Variants in NLGN1 observed in about 807,000 individuals in gnomAD.
NLGN1 encodes the protein neuroligin-1.
In NLGN1, 12 loss-of-function variants were observed where a neutral mutation model predicts 65.5. That is an observed-to-expected ratio of 0.18 (90% confidence interval 0.12 to 0.30). The LOEUF is 0.30. Ranked by LOEUF, NLGN1 falls within the 10% of genes least tolerant of loss-of-function variation. The probability of loss-of-function intolerance (pLI) is 1.00; values close to 1 mark genes in which losing one functional copy is unlikely to be tolerated. For missense variants in NLGN1, 750 were observed against 1,007.1 expected, an observed-to-expected ratio of 0.74 and a Z score of 3.46; for synonymous variants, 350 against 359.5, an observed-to-expected ratio of 0.97 and a Z score of 0.30.
chr3:173,950,957 C>T (rs1579371365), intron 4 of NLGN1, among the ~76,000 whole-genome samples: 1 of 151,800 alleles, frequency 6.6e-6, no homozygotes, highest in South Asian at 2.1e-4. Context: ...ACCTCCGTCT[C>T]CCGGGTTCAA....
chr3:173,985,653 A>T (rs550197083), intron 4 of NLGN1, among the ~76,000 whole-genome samples: 182 of 152,284 alleles, frequency 1.2e-3, no homozygotes, highest in Non-Finnish European at 2.2e-3. Context: ...AAGTATTTTT[A>T]AAAAAGAAAC....
At chr3:174,056,010 C>T (rs1202349871) in intron 4 of NLGN1, among the ~76,000 whole-genome samples, 2 of 151,766 alleles carry the variant, frequency 1.3e-5, no homozygotes, top group Non-Finnish European at 2.9e-5. Context: ...AGATTATATG[C>T]TAAGTATTGT....
At chr3:173,404,817 T>C (rs1051091168) in intron 1 of NLGN1, among the ~76,000 whole-genome samples, 3 of 152,122 alleles carry the variant, frequency 2.0e-5, no homozygotes, top group Admixed American at 6.6e-5. Context: ...AAATGTTTAA[T>C]TATATTTAAT....
At chr3:174,240,208 T>C (rs1742526637) in intron 4 of NLGN1, among the ~76,000 whole-genome samples, 1 of 152,124 alleles carries the variant, frequency 6.6e-6, no homozygotes, top group African/African-American at 2.4e-5. Flanking sequence ...GAAAACTGAT[T>C]CATTGCATGC....
chr3:173,412,254 T>C (rs1397850866), intron 1 of NLGN1, among the ~76,000 whole-genome samples: 2 of 151,912 alleles, frequency 1.3e-5, no homozygotes, highest in Non-Finnish European at 2.9e-5. Context: ...AATGAGGAAT[T>C]AAGACTAAAA....
At chr3:173,825,132 T>A (rs2150557873) in intron 4 of NLGN1, among the ~76,000 whole-genome samples, 1 of 152,208 alleles carries the variant, frequency 6.6e-6, no homozygotes, top group African/African-American at 2.4e-5. Context: ...ATTTCTATTT[T>A]AAAAATATTT....
intron 4 of NLGN1, among the ~76,000 whole-genome samples, chr3:173,918,325 A>C (rs1336786163): frequency 6.6e-6 from 1 of 152,080 alleles, no homozygotes; most frequent in Non-Finnish European, 1.5e-5. Context: ...AAAAGGTATC[A>C]AACACCGGAA....
chr3:174,285,544 C>T (rs1752011631), exon 7 of NLGN1: 1 of 151,532 alleles, frequency 6.6e-6, no homozygotes, highest in Non-Finnish European at 1.5e-5. Context: ...TGCACTTGAT[C>T]TGATAGCAAC....
chr3:173,936,105 A>G (rs1440133906), intron 4 of NLGN1, among the ~76,000 whole-genome samples: 1 of 151,890 alleles, frequency 6.6e-6, no homozygotes, highest in Admixed American at 6.6e-5. Context: ...TTGCACATTA[A>G]GTCTTTTTTT....
At chr3:173,478,881 G>T (rs901508015) in intron 2 of NLGN1, among the ~76,000 whole-genome samples, 1 of 151,398 alleles carries the variant, frequency 6.6e-6, no homozygotes, top group South Asian at 2.1e-4. Context: ...GACAGAGCAA[G>T]ACCGTGTCTC....
At chr3:173,994,220 G>T (rs928645393) in intron 4 of NLGN1, among the ~76,000 whole-genome samples, 3 of 151,888 alleles carry the variant, frequency 2.0e-5, no homozygotes, top group Non-Finnish European at 4.4e-5. Context: ...TGATCCTACT[G>T]CCTCTGCCTC....
chr3:173,753,776 G>A (rs1776651324), intron 3 of NLGN1, among the ~76,000 whole-genome samples: 1 of 151,738 alleles, frequency 6.6e-6, no homozygotes, highest in Non-Finnish European at 1.5e-5. Flanking sequence ...TCTAGCCCCT[G>A]TTGCTTCTTT....
chr3:173,995,430 T>C (rs753379455), intron 4 of NLGN1, among the ~76,000 whole-genome samples: 2 of 152,170 alleles, frequency 1.3e-5, no homozygotes, highest in African/African-American at 2.4e-5. Flanking sequence ...AATGAATCTC[T>C]ATGAATCCTA....
intron 4 of NLGN1, among the ~76,000 whole-genome samples, chr3:174,031,491 C>T (rs779989200): frequency 2.6e-5 from 4 of 151,892 alleles, no homozygotes; most frequent in Non-Finnish European, 4.4e-5. Context: ...AAGAAAGAGG[C>T]AAATTGAAGA....
At chr3:173,761,103 C>T (rs1777906861) in intron 3 of NLGN1, among the ~76,000 whole-genome samples, 2 of 151,950 alleles carry the variant, frequency 1.3e-5, no homozygotes, top group Admixed American at 6.6e-5. Context: ...TGTTGACGGC[C>T]GACTCAGTCT....
At chr3:173,488,479 A>T (rs1362477130) in intron 2 of NLGN1, among the ~76,000 whole-genome samples, 2 of 152,036 alleles carry the variant, frequency 1.3e-5, no homozygotes, top group Admixed American at 6.6e-5. Flanking sequence ...TGTAAGTGGT[A>T]CACTTTTGCC....
intron 4 of NLGN1, among the ~76,000 whole-genome samples, chr3:174,270,604 G>A (rs1749218255): frequency 6.6e-6 from 1 of 151,818 alleles, no homozygotes; most frequent in South Asian, 2.1e-4. Flanking sequence ...TCATAGGTGA[G>A]TAGTGACAGA....
intron 2 of NLGN1, among the ~76,000 whole-genome samples, chr3:173,445,371 T>G (rs1423875029): frequency 1.3e-5 from 2 of 151,748 alleles, no homozygotes; most frequent in Non-Finnish European, 2.9e-5. Context: ...TCTAGTAAAA[T>G]GACCTGTTCC....
chr3:174,037,942 G>A (rs1403567041), intron 4 of NLGN1, among the ~76,000 whole-genome samples: 3 of 151,040 alleles, frequency 2.0e-5, no homozygotes, highest in Non-Finnish European at 4.5e-5. Context: ...AGAAAGTGTC[G>A]ATGCAAAAAG....
Sources: allele counts gnomAD v4.1 joint callset (sites outside exome capture counted in the v4.1 genomes callset), GRCh38; gene constraint gnomAD v4.1.1; transcripts MANE v1.5; gene names NCBI Gene and HGNC (gene_info 2026-07-23, HGNC 2026-07-21).